Variants in TINAG observed in about 807,000 individuals in gnomAD.
TINAG encodes the protein tubulointerstitial nephritis antigen.
Under a neutral mutation model 72.7 loss-of-function variants are expected in TINAG, and 83 were observed. The observed-to-expected ratio is 1.14, with a 90% confidence interval of 0.96 to 1.37. The LOEUF (loss-of-function observed/expected upper bound fraction) is 1.37, where lower values mean the gene tolerates loss of function less well. Ranked by LOEUF, TINAG falls within the 40% of genes most tolerant of loss-of-function variation. The pLI is 0.00. For missense variants in TINAG, 685 were observed against 576.6 expected, an observed-to-expected ratio of 1.19 and a Z score of -1.93; for synonymous variants, 234 against 189.9, an observed-to-expected ratio of 1.23 and a Z score of -1.91.
chr6:54,383,422 T>C (rs1423041399), intron 10 of TINAG, among the ~76,000 whole-genome samples: 1 of 152,104 alleles, frequency 6.6e-6, no homozygotes, highest in Non-Finnish European at 1.5e-5. Flanking sequence ...ATGTAATACA[T>C]AGCAGCAAGC....
chr6:54,353,032 A>G (rs1785302756), intron 8 of TINAG, among the ~76,000 whole-genome samples: 1 of 151,784 alleles, frequency 6.6e-6, no homozygotes, highest in South Asian at 2.1e-4. Context: ...ATTCTGTATA[A>G]TGAGTTTGCT....
rs779558057 is a variant in TINAG at position 54,308,711 on chromosome 6, G to A, written c.161G>A (p.Gly54Glu). ...GTRFKRAIFQGQYCRNFGCCE... is the reference protein window; with the variant it reads ...GTRFKRAIFQEQYCRNFGCCE... ...CGATTCAAAAGAGCCATTTTCCAAGGGCAATACTGTAGAAATTTTGGCTGT... is the reference window on the plus strand; with the variant it reads ...CGATTCAAAAGAGCCATTTTCCAAGAGCAATACTGTAGAAATTTTGGCTGT... The change falls in exon 1 of 11, where the codon GGG (glycine) becomes GAG (glutamate). Residue 54 changes from glycine (G) to glutamate (E), a missense_variant. By Grantham distance (98) the Gly-to-Glu change is moderately conservative. Transcript: ENST00000259782. 1.9e-6 allele frequency: 3 copies of A among 1,613,732 alleles called. No individual in the cohort carries two copies. The highest frequency in any genetic ancestry group is 2.7e-5 in the African/African-American group (2 of 74,884).
chr6:54,349,938 A>AAATGTATAT (rs1785224358), intron 7 of TINAG, 42 bp downstream of exon 7: 1 of 1,419,074 alleles, frequency 7.0e-7, no homozygotes. Context: ...TGGCTTTCTC[A>AAATGTATAT]AATGTATATA....
chr6:54,313,420 T>C lies in TINAG; in HGVS notation c.355+4515T>C, dbSNP rs373302974. Among the ~76,000 whole-genome samples, 68 of 152,272 alleles carry C rather than the reference T, an allele frequency of 4.5e-4. 1 individual carries two copies. In the South Asian group the frequency reaches 0.014, roughly 31 times the overall value. On this transcript the variant is annotated intron_variant, in intron 1 of 10. Coordinates refer to ENST00000259782, the MANE Select transcript of TINAG (RefSeq NM_014464.4). ...ATTTACTTAACAGACCCTTCTGTAATACCCTGAGTAGCATGTTTTCTCTTG... is the reference window on the plus strand; with the variant it reads ...ATTTACTTAACAGACCCTTCTGTAACACCCTGAGTAGCATGTTTTCTCTTG...
intron 4 of TINAG, among the ~76,000 whole-genome samples, chr6:54,342,811 CA>C (rs1187010526): frequency 1.3e-5 from 2 of 152,162 alleles, no homozygotes; most frequent in Non-Finnish European, 2.9e-5. Flanking sequence ...TGCACCCTTT[CA>C]AAATTAATTT....
intron 9 of TINAG, among the ~76,000 whole-genome samples, chr6:54,372,934 T>C (rs1014445882): frequency 4.6e-5 from 7 of 151,806 alleles, no homozygotes; most frequent in African/African-American, 1.5e-4. Context: ...TCAGCCCAAG[T>C]CTGAGCCACA....
intron 6 of TINAG, among the ~76,000 whole-genome samples, chr6:54,348,237 G>T (rs1785172760): frequency 1.3e-5 from 2 of 151,972 alleles, no homozygotes; most frequent in Admixed American, 1.3e-4. Context: ...GATTTTGATG[G>T]GTTGCAATAA....
chr6:54,308,408 G>C, upstream of TINAG: 1 of 675,274 alleles, frequency 1.5e-6, no homozygotes, highest in Non-Finnish European at 2.5e-6. Flanking sequence ...ACTATGAGAA[G>C]TATACTCATT....
chr6:54,375,086 A>G (rs546259073), intron 9 of TINAG, among the ~76,000 whole-genome samples: 2 of 152,206 alleles, frequency 1.3e-5, no homozygotes, highest in Admixed American at 6.6e-5. Flanking sequence ...TATACCTACC[A>G]TCATAATAAA....
intron 9 of TINAG, among the ~76,000 whole-genome samples, chr6:54,377,957 C>T (rs1019608429): frequency 7.2e-5 from 11 of 152,068 alleles, no homozygotes; most frequent in African/African-American, 2.7e-4. Context: ...GGGAAAGAAC[C>T]CGCAGATCTA....
At chr6:54,365,984 G>C (rs1464940944) in intron 9 of TINAG, among the ~76,000 whole-genome samples, 1 of 151,606 alleles carries the variant, frequency 6.6e-6, no homozygotes, top group East Asian at 1.9e-4. Context: ...GGGCAACATA[G>C]AGACCTTGTC....
chr6:54,343,224 AG>A lies in TINAG; in HGVS notation c.625del, dbSNP rs1479056638. 7.7e-6 allele frequency: 12 copies of A among 1,551,974 alleles called. No homozygotes were observed. In the African/African-American group the frequency reaches 1.7e-4, roughly 21 times the overall value. On this transcript the variant is annotated splice_acceptor_variant, in intron 4 of 10. Transcript: ENST00000259782. LOFTEE classifies it high-confidence loss of function. ...ATATATGTACCTCTTCTTCCTCTTT[AG>A]GCTTCTTTACCTGCAACAACTGATC...
intron 10 of TINAG, 145 bp from the exon 11 acceptor site, chr6:54,389,646 A>G (rs1764191473): frequency 4.0e-6 from 4 of 991,656 alleles, no homozygotes; most frequent in Non-Finnish European, 5.7e-6. Flanking sequence ...TAATACAACC[A>G]TTATTTAAAA....
rs554949699 is a variant in TINAG at position 54,367,244 on chromosome 6, T to A, written c.1250+12608T>A. ...TTCAGTTCAGCATCCTAGTTCTGAG[T>A]CATTCTACTTTGAGATAAATCTGAG... On this transcript the variant is annotated intron_variant, in intron 9 of 10. Coordinates refer to ENST00000259782, the MANE Select transcript of TINAG (RefSeq NM_014464.4). 2.6e-5 allele frequency: 4 copies of A among 151,872 alleles called. No homozygotes were observed. In the East Asian group the frequency reaches 7.8e-4, roughly 29 times the overall value. 9.4% of individuals were successfully genotyped at this position (151,872 alleles called of 1,614,324 possible).
chr6:54,350,129 T>C (rs956317481), intron 7 of TINAG, among the ~76,000 whole-genome samples: 1 of 152,040 alleles, frequency 6.6e-6, no homozygotes, highest in African/African-American at 2.4e-5. Context: ...TCCAAGGAAA[T>C]AGGGTTTTAA....
At chr6:54,372,197 G>A (rs796479675) in intron 9 of TINAG, among the ~76,000 whole-genome samples, 1 of 151,714 alleles carries the variant, frequency 6.6e-6, no homozygotes, top group African/African-American at 2.4e-5. Flanking sequence ...TCACCATGTT[G>A]GCCAGGCTGA....
chr6:54,326,350 A>C (rs546366680), intron 3 of TINAG, among the ~76,000 whole-genome samples: 91 of 152,052 alleles, frequency 6.0e-4, no homozygotes, highest in Non-Finnish European at 7.4e-5. Flanking sequence ...TTTAAAAATT[A>C]TACCTATTTT....
chr6:54,321,695 T>G (rs1784494531), intron 3 of TINAG, among the ~76,000 whole-genome samples: 1 of 151,252 alleles, frequency 6.6e-6, no homozygotes, highest in Non-Finnish European at 1.5e-5. Flanking sequence ...GTCAGCAAAA[T>G]TCATGTATTC....
intron 4 of TINAG, among the ~76,000 whole-genome samples, chr6:54,333,657 G>A (rs1003809494): frequency 1.3e-4 from 19 of 151,954 alleles, no homozygotes; most frequent in Middle Eastern, 3.4e-3. Flanking sequence ...TGATAATCCA[G>A]AAAAAGAATA....
Sources: allele counts gnomAD v4.1 joint callset (sites outside exome capture counted in the v4.1 genomes callset), GRCh38; gene constraint gnomAD v4.1.1; transcripts MANE v1.5; gene names NCBI Gene and HGNC (gene_info 2026-07-23, HGNC 2026-07-21).